DSE: variants seen among roughly 807,000 people sequenced by gnomAD.
The protein encoded by DSE is dermatan-sulfate epimerase.
In DSE, 36 loss-of-function variants were observed where a neutral mutation model predicts 84.4. The ratio of observed to expected loss-of-function variants is 0.43; its 90% confidence interval spans 0.33 to 0.56. The LOEUF is 0.56. Ranked by LOEUF, DSE falls within the 20% of genes least tolerant of loss-of-function variation. DSE has a pLI of 0.06. For synonymous variants in DSE, 410 were observed against 430.1 expected (o/e 0.95, Z 0.58); for missense variants, 862 against 1,169.6 (o/e 0.74, Z 3.84).
At chr6:116,296,501 A>G (rs376568712) in intron 2 of DSE, among the ~76,000 whole-genome samples, 1 of 152,288 alleles carries the variant, frequency 6.6e-6, no homozygotes, top group East Asian at 1.9e-4. Context: ...GACCCAAGAA[A>G]TGCTCTAAAT....
intron 1 of DSE, among the ~76,000 whole-genome samples, chr6:116,381,496 T>C (rs572980852): frequency 7.2e-4 from 109 of 152,292 alleles, no homozygotes; most frequent in African/African-American, 2.4e-3. Context: ...CTGGGTAATT[T>C]GATCAGACTG....
At chr6:116,350,533 G>T (rs1443396412) in intron 2 of DSE, among the ~76,000 whole-genome samples, 2 of 152,026 alleles carry the variant, frequency 1.3e-5, no homozygotes, top group African/African-American at 4.8e-5. Flanking sequence ...CTCAGGAAAA[G>T]GTATTAAACA....
chr6:116,435,507 T>C lies in DSE; in HGVS notation c.1119-80T>C, dbSNP rs479426. ...CAGTGCTCTGGGTAGCATTTGTGTG[T>C]CGCATCTTCCACATTACCATGTTAT... On this transcript the variant is annotated intron_variant, in intron 5 of 5. Transcript: ENST00000644252. 2,545 of 1,400,720 alleles carry C rather than the reference T, an allele frequency of 1.8e-3. 36 individuals carry two copies. In the African/African-American group the frequency reaches 0.033, roughly 18 times the overall value. 86.8% of individuals were successfully genotyped at this position (1,400,720 alleles called of 1,614,324 possible).
chr6:116,254,179 G>C (rs571471665), exon 1 of DSE: 1 of 754,272 alleles, frequency 1.3e-6, no homozygotes, highest in Non-Finnish European at 2.3e-6. Context: ...CTCTCTGCGC[G>C]GTTGACTACG....
chr6:116,273,894 A>G (rs191461082), intron 2 of DSE, among the ~76,000 whole-genome samples: 1 of 150,518 alleles, frequency 6.6e-6, no homozygotes, highest in Admixed American at 6.6e-5. Flanking sequence ...CCATGGCTCA[A>G]TCTTGGCTCA....
At chr6:116,263,578 A>G (rs1772502245) in intron 2 of DSE, among the ~76,000 whole-genome samples, 1 of 152,102 alleles carries the variant, frequency 6.6e-6, no homozygotes, top group Non-Finnish European at 1.5e-5. Flanking sequence ...TGTGTCTTTT[A>G]ATTGGGGCAT....
At chr6:116,358,751 G>A (rs1237688020) in intron 2 of DSE, among the ~76,000 whole-genome samples, 2 of 152,176 alleles carry the variant, frequency 1.3e-5, no homozygotes, top group Non-Finnish European at 2.9e-5. Flanking sequence ...ATATGAGCAT[G>A]CCTCTAAATG....
In DSE at chr6:116,322,956, G is replaced by A. The variant is rs1310462637; in HGVS notation, c.-54+63989G>A. 2.6e-5 allele frequency among the ~76,000 whole-genome samples: 4 copies of A among 152,268 alleles called. No homozygotes were observed. In the East Asian group the frequency reaches 5.8e-4, roughly 22 times the overall value. ...GAGCATTTTTTTGCTTCCTGGCTGT[G>A]GGAAGTCCTCCCCTAACCACCTGCA... On this transcript the variant is annotated intron_variant, in intron 2 of 3. Transcript: ENST00000430252.
At chr6:116,292,131 T>A (rs562104315) in intron 2 of DSE, among the ~76,000 whole-genome samples, 1 of 152,132 alleles carries the variant, frequency 6.6e-6, no homozygotes, top group South Asian at 2.1e-4. Context: ...GTTGACATCA[T>A]CAGAGTGGAC....
intron 2 of DSE, among the ~76,000 whole-genome samples, chr6:116,323,054 T>G (rs1459711446): frequency 7.2e-5 from 11 of 152,186 alleles, no homozygotes; most frequent in Non-Finnish European, 1.3e-4. Flanking sequence ...CACAGTATTT[T>G]GCGCTTTACT....
chr6:116,340,062 G>A (rs1777498318), intron 2 of DSE, among the ~76,000 whole-genome samples: 1 of 152,304 alleles, frequency 6.6e-6, no homozygotes, highest in South Asian at 2.1e-4. Flanking sequence ...AGTAGTGTGA[G>A]GGGACTCATG....
At chr6:116,413,808 T>A (rs1439058678) in intron 2 of DSE, among the ~76,000 whole-genome samples, 1 of 152,234 alleles carries the variant, frequency 6.6e-6, no homozygotes, top group Non-Finnish European at 1.5e-5. Flanking sequence ...TGCTAGCTCC[T>A]CCAGGCCTAC....
intron 2 of DSE, among the ~76,000 whole-genome samples, chr6:116,329,302 T>TTACATAG (rs1477621860): frequency 1.3e-5 from 2 of 152,226 alleles, no homozygotes; most frequent in Admixed American, 6.5e-5. Flanking sequence ...AAATACAGGC[T>TTACATAG]TACATAGTAC....
rs774637910 is a variant in DSE, at chr6:116,426,847, A to G, written c.670+20A>G. ...ATCAAGGTGGGTGTGGACACAGCCA[A>G]GGTGATGCCTGAGCTGACGGAAGTC... On this transcript the variant is annotated intron_variant, in intron 3 of 5. Coordinates refer to ENST00000644252, the MANE Select transcript of DSE (RefSeq NM_013352.4). 102 of 1,595,560 alleles carry G rather than the reference A, an allele frequency of 6.4e-5. No individual in the cohort carries two copies. Among genetic ancestry groups the G allele is most frequent in the Non-Finnish European group, 8.2e-5 (96 of 1,167,210 alleles).
upstream of DSE, chr6:116,370,565 C>T: frequency 1.1e-6 from 1 of 945,796 alleles, no homozygotes; most frequent in Non-Finnish European, 1.3e-6. Context: ...AGCTCCTCCC[C>T]CTGGGCCTCC....
intron 1 of DSE, among the ~76,000 whole-genome samples, chr6:116,382,037 C>CTGTGTGTGTGTA (rs111408949): frequency 6.9e-6 from 1 of 144,770 alleles, no homozygotes; most frequent in Non-Finnish European, 1.5e-5. Flanking sequence ...ACATGGCATT[C>CTGTGTGTGTGTA]TGTGTGTGTG....
intron 2 of DSE, among the ~76,000 whole-genome samples, chr6:116,315,147 G>A (rs1270777611): frequency 1.3e-5 from 2 of 152,132 alleles, no homozygotes; most frequent in Non-Finnish European, 2.9e-5. Context: ...TTCTTCATCA[G>A]TACAATGAAG....
chr6:116,377,144 C>A (rs1045370745), intron 1 of DSE, among the ~76,000 whole-genome samples: 4 of 152,106 alleles, frequency 2.6e-5, no homozygotes, highest in African/African-American at 9.7e-5. Flanking sequence ...TTGAAATATT[C>A]GTAGAGTTTT....
intron 2 of DSE, among the ~76,000 whole-genome samples, chr6:116,287,705 A>G (rs1774008729): frequency 1.3e-5 from 2 of 152,098 alleles, no homozygotes; most frequent in East Asian, 3.8e-4. Context: ...CTTGGATAGT[A>G]TGATATCTAG....
Sources: allele counts gnomAD v4.1 joint callset (sites outside exome capture counted in the v4.1 genomes callset), GRCh38; gene constraint gnomAD v4.1.1; transcripts MANE v1.5; gene names NCBI Gene and HGNC (gene_info 2026-07-23, HGNC 2026-07-21).